The following DST variants were observed in gnomAD, a reference collection of about 807,000 sequenced individuals.
DST encodes dystonin, also known as bullous pemphigoid antigen.
In DST, 253 loss-of-function variants were observed where a neutral mutation model predicts 875.2. The ratio of observed to expected loss-of-function variants is 0.29; its 90% CI spans 0.26 to 0.32. DST has a LOEUF of 0.32. DST is among the 10% of genes least tolerant of loss of function. DST has a pLI of 1.00. For synonymous variants in DST, 3,124 were observed against 3,197.1 expected (o/e 0.98, Z 0.77); for missense variants, 8,287 against 9,111.6 (o/e 0.91, Z 3.68).
intron 9 of DST, chr6:56,693,085 G>A (rs769684511): frequency 7.8e-7 from 1 of 1,289,566 alleles, no homozygotes; most frequent in South Asian, 1.2e-5. Context: ...GTTCAAAGGA[G>A]TTTTGGCAGG....
At chr6:56,952,977 TAATGA>T (rs1823096725) in intron 2 of DST, among the ~76,000 whole-genome samples, 1 of 152,228 alleles carries the variant, frequency 6.6e-6, no homozygotes, top group Non-Finnish European at 1.5e-5. Flanking sequence ...TCTGATTAAC[TAATGA>T]AATGAAAGGC....
intron 46 of DST, 96 bp from the exon 47 acceptor site, chr6:56,598,102 G>T: frequency 8.4e-7 from 1 of 1,187,136 alleles, no homozygotes. Context: ...TTTTAAATTA[G>T]AATGAGGGTA....
intron 5 of DST, among the ~76,000 whole-genome samples, chr6:56,733,477 C>T (rs1308425527): frequency 1.3e-5 from 2 of 152,120 alleles, no homozygotes; most frequent in Non-Finnish European, 2.9e-5. Context: ...TAACAATATG[C>T]CAAGTACTAT....
intron 49 of DST, among the ~76,000 whole-genome samples, chr6:56,584,379 A>G (rs2098097883): frequency 6.6e-6 from 1 of 152,056 alleles, no homozygotes; most frequent in African/African-American, 2.4e-5. Context: ...TTCACTCATG[A>G]TTTGGCTCTC....
intron 36 of DST, chr6:56,619,316 T>C: frequency 6.2e-7 from 1 of 1,611,986 alleles, no homozygotes; most frequent in South Asian, 1.1e-5. Context: ...TACTTTTTGT[T>C]TTAGCATCTC....
At chr6:56,797,567 C>A (rs1465825513) in intron 4 of DST, among the ~76,000 whole-genome samples, 1 of 152,104 alleles carries the variant, frequency 6.6e-6, no homozygotes, top group South Asian at 2.1e-4. Context: ...GGCATGGTGG[C>A]CCACACCTAT....
chr6:56,572,995 T>A lies in DST; in HGVS notation c.13306A>T (p.Met4436Leu). Residue 4436 changes from methionine (M) to leucine (L), a missense_variant, in exon 52 of 104, where the codon ATG becomes TTG. By Grantham distance (15) the Met-to-Leu change is conservative (BLOSUM62 2). This residue lies in a region of DST where 1,513 missense variants were observed against 1,677.8 expected (regional missense o/e 0.90). Transcript: ENST00000680361. ...NAMNEKVKKFMETTDPSTASS... is the reference protein window; with the variant it reads ...NAMNEKVKKFLETTDPSTASS... ...GCAGTGGATGGATCTGTTGTTTCCA[T>A]AAATTTCTTCACTTTTTCATTCATG... 1 of 1,607,826 alleles carries A rather than the reference T, an allele frequency of 6.2e-7. No individual in the cohort carries two copies. Among genetic ancestry groups the A allele is most frequent in the Non-Finnish European group, 8.5e-7 (1 of 1,177,146 alleles).
chr6:56,635,725 A>G lies in DST; in HGVS notation c.3061-11T>C. 1 of 1,613,356 alleles carries G rather than the reference A, an allele frequency of 6.2e-7. No homozygotes were observed. ...GGCATCATTGAAAAACTAAGGAAAG[A>G]TGAAACCTGGAAGTTAAAGTATGTT... On this transcript the variant is annotated splice_polypyrimidine_tract_variant and intron_variant, in intron 23 of 103. Coordinates refer to ENST00000680361, the MANE Select transcript of DST (RefSeq NM_001374736.1).
chr6:56,544,270 A>G (rs2097186629), intron 61 of DST, among the ~76,000 whole-genome samples: 1 of 152,222 alleles, frequency 6.6e-6, no homozygotes, highest in Non-Finnish European at 1.5e-5. Context: ...TATTCATGGC[A>G]ATATGAATAA....
chr6:56,606,540 C>T lies in DST; in HGVS notation c.8088G>A (p.Glu2696=), dbSNP rs370339634. 238 of 1,613,512 alleles carry T rather than the reference C, an allele frequency of 1.5e-4. 1 individual carries two copies. The African/African-American group carries it at 2.9e-3, about 20-fold the overall frequency. Reference sequence around the variant, plus strand: ...TTTCACCAGAATCTAATTCATCTTTCTCAACATCCATAAGGAAATCCTGAA... The same window carrying T: ...TTTCACCAGAATCTAATTCATCTTTTTCAACATCCATAAGGAAATCCTGAA... ...HCLQDFLMDV[E]KDELDSGEKI... is the part of the protein sequence containing the mutation. Residue 2696 remains glutamate, a synonymous_variant, in exon 40 of 104, where the codon GAG becomes GAA. Transcript: ENST00000680361.
Position 56,621,921 on chromosome 6 carries a change from T to C in DST, c.4929+2609A>G, listed in dbSNP as rs75897301. 8.9e-3 allele frequency among the ~76,000 whole-genome samples: 1,358 copies of C among 152,318 alleles called. 14 individuals carry two copies. The highest frequency in any genetic ancestry group is 0.03 in the African/African-American group (1,246 of 41,574). On this transcript the variant is annotated intron_variant, in intron 36 of 103. Transcript: ENST00000680361. The stretch of plus-strand genomic sequence containing the variant: ...TCTAATTTCTTGATCTCCAATAATT[T>C]TGATGAGAATTTCAGTTGTTTTCTT...
chr6:56,551,018 C>T (rs989253713), intron 61 of DST, among the ~76,000 whole-genome samples: 9 of 152,174 alleles, frequency 5.9e-5, no homozygotes, highest in African/African-American at 2.2e-4. Flanking sequence ...CCTTCACCTT[C>T]AAGAATCAAG....
At chr6:56,821,997 A>C (rs1449963204) in intron 4 of DST, among the ~76,000 whole-genome samples, 1 of 152,124 alleles carries the variant, frequency 6.6e-6, no homozygotes, top group Non-Finnish European at 1.5e-5. Context: ...AGAGATGTGG[A>C]TAGAGAGTAT....
At chr6:56,646,050 G>C in intron 14 of DST, 37 bp downstream of exon 14, 1 of 1,575,648 alleles carries the variant, frequency 6.3e-7, no homozygotes, top group Non-Finnish European at 8.6e-7. Context: ...ACAAAACAAA[G>C]ACTATGCTTG....
chr6:56,583,621 T>A (rs1460520346), intron 49 of DST, among the ~76,000 whole-genome samples: 4 of 152,240 alleles, frequency 2.6e-5, no homozygotes, highest in African/African-American at 7.2e-5. Context: ...TTTGTCAATT[T>A]TGGCTTTTGT....
chr6:56,847,081 C>T (rs2099807987), intron 4 of DST, among the ~76,000 whole-genome samples: 1 of 150,586 alleles, frequency 6.6e-6, no homozygotes, highest in Admixed American at 6.6e-5. Flanking sequence ...CTTTGGGAGG[C>T]CCAGGCAGAA....
At chr6:56,498,169 G>T in intron 80 of DST, 116 bp from the exon 81 acceptor site, 1 of 1,039,266 alleles carries the variant, frequency 9.6e-7, no homozygotes. Flanking sequence ...CGTTATATGT[G>T]TAGAATTTTA....
At position 56,603,406 on chromosome 6, in the gene DST, T is replaced by TA. The variant is rs2098463566; in HGVS notation, c.10955_10956insT (p.Leu3653IlefsTer25). The stretch of plus-strand genomic sequence containing the variant: ...TTAAAATAACAGCAATTGGAGCTAA[T>TA]CCCAATTCAAATGTCTGCAAAGAAA... On this transcript the variant is annotated frameshift_variant, in exon 42 of 104. Transcript: ENST00000680361. LOFTEE classifies it high-confidence loss of function. 1.1e-5 allele frequency: 17 copies of TA among 1,610,140 alleles called. No homozygotes were observed. Among genetic ancestry groups the TA allele is most frequent in the Non-Finnish European group, 1.4e-5 (17 of 1,178,868 alleles).
At position 56,536,847 on chromosome 6, in the gene DST, T is replaced by C; in HGVS notation, c.16702A>G (p.Thr5568Ala). The C allele has an allele frequency of 6.2e-7, 1 of 1,613,394 alleles. No individual in the cohort carries two copies. The highest frequency in any genetic ancestry group is 8.5e-7 in the Non-Finnish European group (1 of 1,179,516). ...QGLIQSAAKS[T>A]STQGLEHDLD... ...TCATGCTCCAAGCCCTGAGTGCTAG[T>C]GCTTTTGGCAGCACTCTGAATAAGG... Residue 5568 changes from threonine (T) to alanine (A), a missense_variant, in exon 62 of 104, where the codon ACT becomes GCT. By Grantham distance (58) the Thr-to-Ala change is moderately conservative. Around this residue, in one of 10 missense-constraint regions of DST, gnomAD observed 777 missense variants for 764.8 expected, o/e 1.02. Coordinates refer to ENST00000680361, the MANE Select transcript of DST (RefSeq NM_001374736.1).
Sources: gnomAD v4.1 joint callset for allele counts (sites outside exome capture counted in the v4.1 genomes callset) on GRCh38, gnomAD v4.1.1 for gene constraint, gnomAD v4.1.1 regional missense constraint, MANE v1.5 for transcripts, NCBI Gene and HGNC (gene_info 2026-07-23, HGNC 2026-07-21) for gene names.